The following SLC2A13 variants were observed in gnomAD, a reference collection of about 807,000 sequenced individuals.
SLC2A13 encodes solute carrier family 2 member 13.
Under a neutral mutation model 64.4 loss-of-function variants are expected in SLC2A13, and 32 were observed. That is an observed-to-expected ratio of 0.50 (90% confidence interval 0.37 to 0.67). The LOEUF (loss-of-function observed/expected upper bound fraction) is 0.67, where lower values mean the gene tolerates loss of function less well. Ranked by LOEUF, SLC2A13 falls within the 30% of genes least tolerant of loss-of-function variation. The pLI, the probability that SLC2A13 is intolerant of heterozygous loss-of-function variation, is 0.00. For missense variants in SLC2A13, 743 were observed against 829.2 expected (o/e 0.90, Z 1.28); for synonymous variants, 338 against 327.1 (o/e 1.03, Z -0.36).
chr12:39,890,322 GA>G (rs917333802), intron 4 of SLC2A13, among the ~76,000 whole-genome samples: 1 of 151,734 alleles, frequency 6.6e-6, no homozygotes, highest in African/African-American at 2.4e-5. Flanking sequence ...TTATAAAACT[GA>G]AAAAAAATAC....
intron 4 of SLC2A13, among the ~76,000 whole-genome samples, chr12:39,883,294 C>T (rs899098080): frequency 1.3e-5 from 2 of 152,116 alleles, no homozygotes; most frequent in Admixed American, 1.3e-4. Context: ...GCCTCACCAC[C>T]ATCACTCTCC....
chr12:39,780,899 G>A (rs986703271), intron 7 of SLC2A13, among the ~76,000 whole-genome samples: 1 of 152,178 alleles, frequency 6.6e-6, no homozygotes, highest in African/African-American at 2.4e-5. Context: ...CATGTGGAGT[G>A]TCTCAGCAAT....
chr12:40,094,531 C>A (rs1235793703), intron 1 of SLC2A13, among the ~76,000 whole-genome samples: 1 of 152,158 alleles, frequency 6.6e-6, no homozygotes, highest in Non-Finnish European at 1.5e-5. Context: ...TGTCAAATGC[C>A]TTTGGTAGGA....
chr12:40,104,794 T>G (rs926522504), intron 1 of SLC2A13, among the ~76,000 whole-genome samples: 3 of 152,166 alleles, frequency 2.0e-5, no homozygotes, highest in Non-Finnish European at 4.4e-5. Flanking sequence ...CACTGTAACT[T>G]GACGATGGTC....
intron 3 of SLC2A13, among the ~76,000 whole-genome samples, chr12:40,009,194 T>C (rs1006385350): frequency 6.6e-6 from 1 of 152,186 alleles, no homozygotes; most frequent in African/African-American, 2.4e-5. Flanking sequence ...GGGATCGATG[T>C]GATGGGCAAA....
intron 3 of SLC2A13, among the ~76,000 whole-genome samples, chr12:40,017,539 T>C (rs1947639694): frequency 6.6e-6 from 1 of 152,206 alleles, no homozygotes; most frequent in Admixed American, 6.5e-5. Flanking sequence ...ACAAAAGGTA[T>C]CATCTTGCTT....
At chr12:40,049,184 G>GT in intron 1 of SLC2A13, among the ~76,000 whole-genome samples, 1 of 151,212 alleles carries the variant, frequency 6.6e-6, no homozygotes, top group East Asian at 1.9e-4. Context: ...CTGATTTGCT[G>GT]TATCTAATCA....
Position 39,840,666 on chromosome 12 carries a change from C to T in SLC2A13, c.1320-10438G>A, listed in dbSNP as rs144048368. On this transcript the variant is annotated intron_variant, in intron 6 of 9. Transcript: ENST00000280871. ...ATGTTCCTCTATGCAACTTCCTGAC[C>T]CCAGCAGAATCAGAGGCATCACTAT... Among the ~76,000 whole-genome samples, 437 of 152,040 alleles carry T rather than the reference C, an allele frequency of 2.9e-3. 2 individuals carry two copies. The highest frequency in any genetic ancestry group is 9.9e-3 in the African/African-American group (411 of 41,516).
chr12:39,793,024 C>T (rs895433929), intron 7 of SLC2A13, among the ~76,000 whole-genome samples: 3 of 152,028 alleles, frequency 2.0e-5, no homozygotes, highest in Non-Finnish European at 4.4e-5. Context: ...TTTCACATTC[C>T]TTGGGTCATA....
intron 4 of SLC2A13, among the ~76,000 whole-genome samples, chr12:39,901,806 T>C (rs1414308417): frequency 2.1e-5 from 3 of 141,406 alleles, no homozygotes; most frequent in African/African-American, 8.0e-5. Flanking sequence ...GATCTAGAAC[T>C]AGAAATACCA....
intron 4 of SLC2A13, among the ~76,000 whole-genome samples, chr12:39,890,572 T>C (rs1000421551): frequency 1.3e-5 from 2 of 152,222 alleles, no homozygotes; most frequent in African/African-American, 4.8e-5. Flanking sequence ...CTCTGTCAGA[T>C]TTCTGACATA....
intron 4 of SLC2A13, among the ~76,000 whole-genome samples, chr12:39,915,901 T>C (rs114462422): frequency 1.3e-5 from 2 of 151,970 alleles, no homozygotes; most frequent in Non-Finnish European, 2.9e-5. Context: ...ATTTACAGCA[T>C]AATTTCTACA....
chr12:40,050,203 A>C (rs1948232831), intron 1 of SLC2A13, among the ~76,000 whole-genome samples: 1 of 151,944 alleles, frequency 6.6e-6, no homozygotes, highest in Admixed American at 6.6e-5. Context: ...ACAATAATTT[A>C]CAACTTGGAT....
At chr12:39,879,667 T>G (rs1944292924) in intron 4 of SLC2A13, among the ~76,000 whole-genome samples, 1 of 152,226 alleles carries the variant, frequency 6.6e-6, no homozygotes, top group Non-Finnish European at 1.5e-5. Flanking sequence ...ACCCCCAGTG[T>G]ATCTTGGAAG....
chr12:40,104,218 C>T (rs1476829797), intron 1 of SLC2A13, among the ~76,000 whole-genome samples: 1 of 152,078 alleles, frequency 6.6e-6, no homozygotes, highest in Non-Finnish European at 1.5e-5. Flanking sequence ...AATTATGAAA[C>T]GAAACATTAA....
At chr12:39,760,313 A>C (rs1799189315) in intron 9 of SLC2A13, 61 bp from the exon 10 acceptor site, 1 of 1,473,376 alleles carries the variant, frequency 6.8e-7, no homozygotes, top group African/African-American at 1.4e-5. Context: ...TAAGTTGGAA[A>C]GATTACTTGA....
At chr12:39,931,676 A>G (rs1945828203) in intron 4 of SLC2A13, among the ~76,000 whole-genome samples, 1 of 152,200 alleles carries the variant, frequency 6.6e-6, no homozygotes, top group Non-Finnish European at 1.5e-5. Flanking sequence ...CTATTGGAAA[A>G]TGATTCCCAA....
intron 1 of SLC2A13, among the ~76,000 whole-genome samples, chr12:40,078,535 T>C (rs1938269520): frequency 6.6e-6 from 1 of 152,188 alleles, no homozygotes; most frequent in Non-Finnish European, 1.5e-5. Context: ...TGGATTCAAT[T>C]TGCTAGTGTT....
At chr12:39,894,554 T>G (rs569627042) in intron 4 of SLC2A13, among the ~76,000 whole-genome samples, 1 of 152,334 alleles carries the variant, frequency 6.6e-6, no homozygotes, top group Admixed American at 6.5e-5. Flanking sequence ...CATACTGAAG[T>G]GGTTAAACCC....
Sources: allele counts gnomAD v4.1 joint callset (sites outside exome capture counted in the v4.1 genomes callset), GRCh38; gene constraint gnomAD v4.1.1; transcripts MANE v1.5; gene names NCBI Gene and HGNC (gene_info 2026-07-23, HGNC 2026-07-21).